Variants in TENM3 observed in about 807,000 individuals in gnomAD.
The protein encoded by TENM3 is teneurin-3.
Under a neutral mutation model 255.1 loss-of-function variants are expected in TENM3, and 63 were observed. The ratio of observed to expected loss-of-function variants is 0.25; its 90% CI spans 0.20 to 0.30. The LOEUF (loss-of-function observed/expected upper bound fraction) is 0.30. Among genes scored for constraint, TENM3 ranks in the 10% least tolerant of loss-of-function variants. The pLI, the probability that TENM3 is intolerant of heterozygous loss-of-function variation, is 1.00. For synonymous variants in TENM3, 1,306 were observed against 1,322.3 expected (o/e 0.99, Z 0.27); for missense variants, 2,929 against 3,461.1 (o/e 0.85, Z 3.86).
the TENM3 span, among the ~76,000 whole-genome samples, chr4:181,824,106 T>A: frequency 2.0e-5 from 3 of 151,862 alleles, no homozygotes; most frequent in Non-Finnish European, 4.4e-5. Flanking sequence ...AATAATATAA[T>A]CTATATATTT....
intron 3 of TENM3, among the ~76,000 whole-genome samples, chr4:182,429,277 G>A (rs1473889983): frequency 2.0e-5 from 3 of 151,970 alleles, no homozygotes. Flanking sequence ...AACATTATTT[G>A]GTATTATTGG....
the TENM3 span, among the ~76,000 whole-genome samples, chr4:181,926,230 T>A: frequency 1.3e-5 from 2 of 152,210 alleles, no homozygotes; most frequent in Non-Finnish European, 2.9e-5. Context: ...AACTATAGTA[T>A]GTACAGTGAA....
intron 3 of TENM3, among the ~76,000 whole-genome samples, chr4:182,473,772 C>T (rs574035409): frequency 8.0e-4 from 122 of 152,082 alleles, no homozygotes; most frequent in Non-Finnish European, 1.4e-3. Flanking sequence ...GGGGTTTGGG[C>T]AACATATGAG....
At position 182,743,221 on chromosome 4, in the gene TENM3, C is replaced by G. The variant is rs765300922; in HGVS notation, c.3431C>G (p.Pro1144Arg). The change falls in exon 19 of 28, where the codon CCA (proline) becomes CGA (arginine). Residue 1144 changes from proline to arginine, a missense_variant. Physicochemically the swap from Pro to Arg is moderately radical, Grantham distance 103. Around this residue, in one of 6 missense-constraint regions of TENM3, gnomAD observed 1,608 missense variants for 1,884.4 expected, o/e 0.85. Transcript: ENST00000511685. ...AACCAGTTCATCTCCCAGCAGCCTC[C>G]AGTCGTGAGTAGCATCATGGGCAAT... is the stretch of plus-strand genomic sequence containing the variant. ...GENQFISQQP[P>R]VVSSIMGNGR... The G allele has an allele frequency of 6.2e-7, 1 of 1,613,916 alleles. No individual in the cohort carries two copies. The highest frequency in any genetic ancestry group is 8.5e-7 in the Non-Finnish European group (1 of 1,179,814).
At chr4:181,836,099 G>A in the TENM3 span, among the ~76,000 whole-genome samples, 2 of 152,034 alleles carry the variant, frequency 1.3e-5, no homozygotes, top group East Asian at 1.9e-4. Context: ...GGACAAAAGT[G>A]ACTCTCATCA....
At chr4:181,669,580 G>T in the TENM3 span, among the ~76,000 whole-genome samples, 1 of 152,004 alleles carries the variant, frequency 6.6e-6, no homozygotes, top group Non-Finnish European at 1.5e-5. Context: ...TCCCTCCTCG[G>T]TAATTTCCCA....
At chr4:182,104,246 T>G in the TENM3 span, among the ~76,000 whole-genome samples, 1 of 152,186 alleles carries the variant, frequency 6.6e-6, no homozygotes, top group Admixed American at 6.5e-5. Context: ...CAAAATTCTC[T>G]GATCCAGTGT....
the TENM3 span, among the ~76,000 whole-genome samples, chr4:181,553,351 C>CAT: frequency 6.9e-6 from 1 of 144,668 alleles, no homozygotes. Flanking sequence ...CACACACACA[C>CAT]ATATGTGTAA....
At chr4:181,626,917 T>C in the TENM3 span, among the ~76,000 whole-genome samples, 254 of 152,290 alleles carry the variant, frequency 1.7e-3, no homozygotes, top group Non-Finnish European at 3.0e-3. Context: ...AACAGGTCTA[T>C]TGTATAGAAT....
intron 18 of TENM3, among the ~76,000 whole-genome samples, chr4:182,741,792 A>G (rs1294789447): frequency 1.3e-5 from 2 of 152,242 alleles, no homozygotes; most frequent in Non-Finnish European, 2.9e-5. Context: ...TAAATTTGCT[A>G]TGATTATTAC....
intron 3 of TENM3, among the ~76,000 whole-genome samples, chr4:182,506,945 T>C: frequency 6.6e-6 from 1 of 152,184 alleles, no homozygotes. Flanking sequence ...ATCTTATCTG[T>C]GTTTAATCTT....
Position 182,537,379 on chromosome 4 carries a change from CTT to C in TENM3, c.512-63544_512-63543del, listed in dbSNP as rs1396526942. Among the ~76,000 whole-genome samples the C allele has an allele frequency of 2.6e-5, 4 of 152,170 alleles. 1 individual carries two copies. In the South Asian group the frequency reaches 6.2e-4, roughly 24 times the overall value. On this transcript the variant is annotated intron_variant, in intron 3 of 27. Coordinates refer to ENST00000511685, the MANE Select transcript of TENM3 (RefSeq NM_001080477.4). ...TTTCTCTTCTATGTAAGATCTCTCT[CTT>C]GTCTAGTTCAATCTTCTAATTACGT...
At chr4:182,719,050 G>C (rs1364978663) in intron 13 of TENM3, among the ~76,000 whole-genome samples, 1 of 152,058 alleles carries the variant, frequency 6.6e-6, no homozygotes, top group East Asian at 1.9e-4. Flanking sequence ...TTGCGTCCCT[G>C]TCTGGTCCTC....
Position 182,467,502 on chromosome 4 carries a change from A to G in TENM3, c.511+120573A>G, listed in dbSNP as rs1732708349. Among the ~76,000 whole-genome samples the G allele has an allele frequency of 2.0e-5, 3 of 152,196 alleles. No individual in the cohort carries two copies. In the South Asian group the frequency reaches 6.2e-4, roughly 32 times the overall value. ...AGGGATATCTAGGCCAGGAATTTCA[A>G]GAGGTTTGTCATCATTTTTCAAGAC... On this transcript the variant is annotated intron_variant, in intron 3 of 27. Transcript: ENST00000511685.
At chr4:181,818,883 A>G in the TENM3 span, among the ~76,000 whole-genome samples, 1 of 152,304 alleles carries the variant, frequency 6.6e-6, no homozygotes, top group African/African-American at 2.4e-5. Flanking sequence ...GATTACAGGC[A>G]TGAGCCACTG....
intron 3 of TENM3, among the ~76,000 whole-genome samples, chr4:182,506,574 A>G (rs959615328): frequency 1.3e-5 from 2 of 152,222 alleles, no homozygotes; most frequent in African/African-American, 4.8e-5. Flanking sequence ...TATATACTGT[A>G]TTAAAATTAA....
At chr4:182,070,351 G>A in the TENM3 span, among the ~76,000 whole-genome samples, 31,091 of 152,214 alleles carry the variant, frequency 0.2, 3,604 homozygotes, top group East Asian at 0.3. Context: ...GGGTGCAGTG[G>A]CTCACACCTG....
At chr4:182,674,761 A>T (rs190984309) in intron 7 of TENM3, among the ~76,000 whole-genome samples, 30 of 152,042 alleles carry the variant, frequency 2.0e-4, no homozygotes, top group African/African-American at 7.2e-4. Flanking sequence ...TTTTTTGTAG[A>T]GATGTGGTTT....
chr4:181,931,402 A>G, the TENM3 span, among the ~76,000 whole-genome samples: 1 of 152,274 alleles, frequency 6.6e-6, no homozygotes, highest in East Asian at 1.9e-4. Flanking sequence ...TAGTGAGTGA[A>G]CTCCCATTCA....
Sources: allele counts gnomAD v4.1 joint callset (sites outside exome capture counted in the v4.1 genomes callset), GRCh38; gene constraint gnomAD v4.1.1; regional missense constraint gnomAD v4.1.1; transcripts MANE v1.5; gene names NCBI Gene and HGNC (gene_info 2026-07-23, HGNC 2026-07-21).